RASAL1: variants seen among roughly 807,000 people sequenced by gnomAD.
RASAL1 encodes the protein rasGAP-activating-like protein 1.
A neutral mutation model predicts 96.6 loss-of-function variants in RASAL1; 72 were observed. The observed-to-expected ratio is 0.75, with a 90% CI of 0.62 to 0.91. The LOEUF (loss-of-function observed/expected upper bound fraction) is 0.91, where lower values mean the gene tolerates loss of function less well. Among genes scored for constraint, RASAL1 ranks in the 40% least tolerant of loss-of-function variants. The pLI, the probability that RASAL1 is intolerant of heterozygous loss-of-function variation, is 0.00. For missense variants in RASAL1, 1,016 were observed against 1,072.5 expected (o/e 0.95, Z 0.74); for synonymous variants, 405 against 430.4 (o/e 0.94, Z 0.73).
At chr12:113,102,120 A>T in intron 18 of RASAL1, 111 bp from the exon 19 acceptor site, 2 of 1,327,614 alleles carry the variant, frequency 1.5e-6, no homozygotes, top group Non-Finnish European at 2.1e-6. Context: ...CCCTCCTCAA[A>T]CCTACTACTT....
chr12:113,105,923 CCTCCCTAACCA>C, intron 15 of RASAL1, 37 bp from the exon 16 acceptor site: 1 of 1,578,590 alleles, frequency 6.3e-7, no homozygotes. Flanking sequence ...GACAGTGAGC[CCTCCCTAACCA>C]GGCTCACCTT....
At chr12:113,132,448 CTGGAGCACGGAGTAACAG>C (rs1951756757) in intron 1 of RASAL1, among the ~76,000 whole-genome samples, 2 of 152,278 alleles carry the variant, frequency 1.3e-5, no homozygotes, top group South Asian at 4.1e-4. Flanking sequence ...AGTGCTCTCT[CTGGAGCACGGAGTAACAG>C]TGGAGATAGG....
In RASAL1 at chr12:113,119,233, G is replaced by C; in HGVS notation, c.537C>G (p.His179Gln). 6.2e-7 allele frequency: 1 copy of C among 1,613,734 alleles called. No individual in the cohort carries two copies. Among genetic ancestry groups the C allele is most frequent in the Non-Finnish European group, 8.5e-7 (1 of 1,179,672 alleles). The change falls in exon 7 of 21, where the codon CAC becomes CAG. Residue 179 changes from histidine to glutamine, a missense_variant. Coordinates refer to ENST00000548055, the MANE Select transcript of RASAL1 (RefSeq NM_001301202.2). ...TSTIKKTRFP[H>Q]WDEVLELREM... ...CCCGCAGCTCCAGCACTTCATCCCA[G>C]TGCGGGAAGCGAGTCTTCTTGATGG...
At chr12:113,101,810 A>G in intron 19 of RASAL1, 79 bp downstream of exon 19, 1 of 1,520,434 alleles carries the variant, frequency 6.6e-7, no homozygotes, top group Non-Finnish European at 8.8e-7. Context: ...AGAATGAATA[A>G]ATGGACACAG....
At chr12:113,121,487 AC>A in intron 5 of RASAL1, 21 bp downstream of exon 5, 1 of 1,613,714 alleles carries the variant, frequency 6.2e-7, no homozygotes, top group Admixed American at 1.7e-5. Flanking sequence ...CACCCTCCAC[AC>A]CACCTCCACC....
At chr12:113,101,612 G>A (rs1316852669) in intron 19 of RASAL1, among the ~76,000 whole-genome samples, 6 of 143,578 alleles carry the variant, frequency 4.2e-5, no homozygotes, top group African/African-American at 1.2e-4. Flanking sequence ...TTTAGCAAGC[G>A]CAGGGGGCCA....
At chr12:113,103,893 C>G (rs770975785) in intron 18 of RASAL1, 53 bp downstream of exon 18, 29 of 1,540,518 alleles carry the variant, frequency 1.9e-5, no homozygotes, top group East Asian at 4.9e-5. Context: ...GTGGGACACC[C>G]GCTGATTGAC....
intron 1 of RASAL1, among the ~76,000 whole-genome samples, chr12:113,131,972 T>C (rs925913795): frequency 1.3e-4 from 19 of 146,664 alleles, no homozygotes; most frequent in African/African-American, 4.3e-4. Context: ...CTTCTTCTTT[T>C]TTTTTTTTTT....
At chr12:113,100,124 AACCCGG>A in intron 20 of RASAL1, 56 bp from the exon 21 acceptor site, 1 of 1,496,650 alleles carries the variant, frequency 6.7e-7, no homozygotes, top group African/African-American at 1.4e-5. Flanking sequence ...AGGCTGCTGT[AACCCGG>A]ACCCAATGGT....
rs759237334 is a variant in RASAL1, at chr12:113,126,677, G to GTC, written c.298+1133_298+1134dup. On this transcript the variant is annotated intron_variant, in intron 4 of 20. Coordinates refer to ENST00000548055, the MANE Select transcript of RASAL1 (RefSeq NM_001301202.2). ...AGCCTGGGTGACAGAATGAGACACT[G>GTC]TCTCTCTCTCTCACACACACACACA... Among the ~76,000 whole-genome samples, 177 of 141,776 alleles carry GTC rather than the reference G, an allele frequency of 1.2e-3. 1 individual carries two copies. The highest frequency in any genetic ancestry group is 3.7e-3 in the Middle Eastern group (1 of 272). 93.0% of individuals were successfully genotyped at this position (141,776 alleles called of 152,430 possible).
intron 13 of RASAL1, among the ~76,000 whole-genome samples, chr12:113,111,547 G>T (rs1411211463): frequency 6.6e-6 from 1 of 152,076 alleles, no homozygotes; most frequent in African/African-American, 2.4e-5. Flanking sequence ...ATGGACCATG[G>T]TCAGGCTACA....
chr12:113,125,164 G>T (rs1381974957), intron 4 of RASAL1, among the ~76,000 whole-genome samples: 1 of 151,658 alleles, frequency 6.6e-6, no homozygotes, highest in Admixed American at 6.6e-5. Flanking sequence ...ATTAATGTTA[G>T]AAGGAATTAT....
chr12:113,108,425 C>T (rs987195591), intron 13 of RASAL1, among the ~76,000 whole-genome samples: 1 of 152,216 alleles, frequency 6.6e-6, no homozygotes, highest in Non-Finnish European at 1.5e-5. Flanking sequence ...CAAAACCAAT[C>T]CTACAAAAGC....
At position 113,112,233 on chromosome 12, in the gene RASAL1, C is replaced by A; in HGVS notation, c.1227G>T (p.Glu409Asp). The A allele has an allele frequency of 7.9e-7, 1 of 1,267,206 alleles. No homozygotes were observed. Among genetic ancestry groups the A allele is most frequent in the South Asian group, 3.7e-5 (1 of 27,030 alleles). 78.5% of individuals were successfully genotyped at this position (1,267,206 alleles called of 1,614,324 possible). A position where few individuals can be genotyped will look rare whatever the true frequency, so the allele number is the denominator to read the frequency against. ...AGCCCGTCAGCAGCCCCAGGCTGGT[C>A]TCCCGCATCTGCTCCTCCGAGAGTG... ...KGALSEEQMR[E>D]TSLGLLTGYL... The change falls in exon 13 of 21, where the codon GAG becomes GAT. Residue 409 changes from glutamate (E) to aspartate (D), a missense_variant. By Grantham distance (45) the Glu-to-Asp change is conservative (BLOSUM62 2). Coordinates refer to ENST00000548055, the MANE Select transcript of RASAL1 (RefSeq NM_001301202.2).
chr12:113,129,825 C>G lies in RASAL1; in HGVS notation c.122+1060G>C, dbSNP rs1313328186. ...CAAATACCCTCTTCCCCCAACCTGA[C>G]CTTTTCCCAGCCAAAGGTCTTCTGA... On this transcript the variant is annotated intron_variant, in intron 2 of 20. Transcript: ENST00000548055. The surrounding 1 kb of genome is among the most constrained non-coding windows in gnomAD (Gnocchi z 5.0). Among the ~76,000 whole-genome samples the G allele has an allele frequency of 6.6e-6, 1 of 152,238 alleles. No homozygotes were observed. The highest frequency in any genetic ancestry group is 1.5e-5 in the Non-Finnish European group (1 of 68,036).
In RASAL1 at chr12:113,121,655, C is replaced by A. The variant is rs1287885125; in HGVS notation, c.299-17G>T. Reference sequence around the variant, plus strand: ...TGTCAATCCCTGAAGGGCACAGGCACTAACATTTATGAAGCGCCTACCATG... The same window carrying A: ...TGTCAATCCCTGAAGGGCACAGGCAATAACATTTATGAAGCGCCTACCATG... On this transcript the variant is annotated splice_polypyrimidine_tract_variant and intron_variant, in intron 4 of 20. Transcript: ENST00000548055. The A allele has an allele frequency of 1.9e-6, 3 of 1,614,134 alleles. No homozygotes were observed. The highest frequency in any genetic ancestry group is 2.5e-6 in the Non-Finnish European group (3 of 1,180,014).
At chr12:113,128,234 C>A in intron 2 of RASAL1, 56 bp from the exon 3 acceptor site, 1 of 972,624 alleles carries the variant, frequency 1.0e-6, no homozygotes, top group Non-Finnish European at 1.6e-6. Context: ...AGGCAGACAC[C>A]TGGAGACCCA....
chr12:113,104,058 C>A lies in RASAL1; in HGVS notation c.1992G>T (p.Trp664Cys). ...CGCTGGCCTTGCGCAAGGCCGAGAG[C>A]CACTGGTTGAGCTCATTCACATTCT... ...QCKNVNELNQ[W>C]LSALRKASAP... The change falls in exon 18 of 21, where the codon TGG becomes TGT. Residue 664 changes from tryptophan (W) to cysteine (C), a missense_variant. Trp to Cys is a radical substitution (Grantham distance 215). Transcript: ENST00000548055. 6.4e-7 allele frequency: 1 copy of A among 1,571,672 alleles called. No homozygotes were observed.
intron 5 of RASAL1, among the ~76,000 whole-genome samples, chr12:113,120,267 A>G (rs896116404): frequency 1.3e-5 from 2 of 152,124 alleles, no homozygotes; most frequent in East Asian, 3.8e-4. Context: ...AGCGACAGCA[A>G]TCAGTCCCTC....
Sources: gnomAD v4.1 joint callset for allele counts (sites outside exome capture counted in the v4.1 genomes callset) on GRCh38, gnomAD v4.1.1 for gene constraint, Gnocchi (gnomAD v3.1) non-coding constraint, MANE v1.5 for transcripts, NCBI Gene and HGNC (gene_info 2026-07-23, HGNC 2026-07-21) for gene names.